DIS3L2: variants seen among roughly 807,000 people sequenced by gnomAD.
The protein encoded by DIS3L2 is DIS3 like 3'-5' exoribonuclease 2, also known as DIS3-like exonuclease 2.
A neutral mutation model predicts 97.5 loss-of-function variants in DIS3L2; 34 were observed. That is an observed-to-expected ratio of 0.35 (90% CI 0.27 to 0.46). The LOEUF (loss-of-function observed/expected upper bound fraction) is 0.46. DIS3L2 is among the 20% of genes least tolerant of loss of function. The pLI is 1.00. For missense variants in DIS3L2, 1,038 were observed against 1,146.0 expected (o/e 0.91, Z 1.36); for synonymous variants, 435 against 445.2 (o/e 0.98, Z 0.29).
intron 14 of DIS3L2, chr2:232,329,542 G>A: frequency 5.1e-6 from 2 of 394,934 alleles, no homozygotes; most frequent in Non-Finnish European, 8.9e-6. Flanking sequence ...GTGCTTCCCT[G>A]CTCTCCAGGG....
intron 9 of DIS3L2, among the ~76,000 whole-genome samples, chr2:232,175,524 T>A (rs974100676): frequency 6.6e-6 from 1 of 152,160 alleles, no homozygotes; most frequent in African/African-American, 2.4e-5. Flanking sequence ...ATAGAATGAG[T>A]TTTGGAAGAG....
At chr2:232,128,175 T>C (rs892129244) in intron 6 of DIS3L2, among the ~76,000 whole-genome samples, 1 of 152,026 alleles carries the variant, frequency 6.6e-6, no homozygotes, top group Non-Finnish European at 1.5e-5. Flanking sequence ...AGGCTGATCT[T>C]GAACTCCTGG....
chr2:232,004,634 G>A (rs1694001775), intron 1 of DIS3L2, among the ~76,000 whole-genome samples: 1 of 150,954 alleles, frequency 6.6e-6, no homozygotes, highest in African/African-American at 2.4e-5. Flanking sequence ...GGGCAGGAGT[G>A]CAGTGGCGTG....
At chr2:232,181,227 C>G (rs1448467767) in intron 9 of DIS3L2, among the ~76,000 whole-genome samples, 1 of 151,072 alleles carries the variant, frequency 6.6e-6, no homozygotes, top group Non-Finnish European at 1.5e-5. Context: ...TGACCTTTCT[C>G]TCTGGCTGCC....
chr2:232,146,733 G>C (rs1160364025), intron 8 of DIS3L2, among the ~76,000 whole-genome samples: 1 of 152,188 alleles, frequency 6.6e-6, no homozygotes, highest in Non-Finnish European at 1.5e-5. Flanking sequence ...TGTGTTTCCT[G>C]TATGAAAACT....
At chr2:232,302,556 CTTT>C (rs10708239) in intron 14 of DIS3L2, among the ~76,000 whole-genome samples, 4 of 140,468 alleles carry the variant, frequency 2.8e-5, no homozygotes, top group Admixed American at 2.1e-4. Context: ...TCTTCTTCTT[CTTT>C]TTTTTTTTTT....
chr2:232,172,535 A>G (rs1691021434), intron 9 of DIS3L2: 2 of 370,726 alleles, frequency 5.4e-6, no homozygotes, highest in South Asian at 4.4e-5. Flanking sequence ...TTGTTTATTC[A>G]TTAGTTGATG....
intron 6 of DIS3L2, among the ~76,000 whole-genome samples, chr2:232,092,959 G>C (rs891861196): frequency 6.6e-6 from 1 of 152,094 alleles, no homozygotes; most frequent in African/African-American, 2.4e-5. Flanking sequence ...GGGTATTCTT[G>C]TTGTGTTCCA....
intron 2 of DIS3L2, 32 bp from the exon 3 acceptor site, chr2:232,015,482 G>A (rs760171103): frequency 6.2e-7 from 1 of 1,603,396 alleles, no homozygotes; most frequent in Non-Finnish European, 8.5e-7. Flanking sequence ...AGATGTTTGA[G>A]GAAAGAGTTG....
At chr2:232,091,059 T>G (rs1696822556) in intron 6 of DIS3L2, among the ~76,000 whole-genome samples, 1 of 152,170 alleles carries the variant, frequency 6.6e-6, no homozygotes, top group Admixed American at 6.5e-5. Context: ...GGGCCCCTTT[T>G]AGAGATCCAC....
chr2:232,004,816 A>G (rs1183475560), intron 1 of DIS3L2, among the ~76,000 whole-genome samples: 1 of 152,162 alleles, frequency 6.6e-6, no homozygotes, highest in Non-Finnish European at 1.5e-5. Flanking sequence ...TCCTGGGCTC[A>G]AGTGATCTGC....
intron 13 of DIS3L2, among the ~76,000 whole-genome samples, chr2:232,270,120 G>A (rs1574984047): frequency 6.6e-6 from 1 of 152,210 alleles, no homozygotes; most frequent in East Asian, 1.9e-4. Flanking sequence ...TACCACCTGG[G>A]GACACCACCG....
At chr2:232,333,080 C>G (rs545989595) in intron 16 of DIS3L2, among the ~76,000 whole-genome samples, 1 of 151,750 alleles carries the variant, frequency 6.6e-6, no homozygotes, top group Non-Finnish European at 1.5e-5. Context: ...CCAACAAAAC[C>G]GCAGGCGGCC....
intron 13 of DIS3L2, among the ~76,000 whole-genome samples, chr2:232,277,614 T>C (rs1694174282): frequency 1.3e-5 from 2 of 152,200 alleles, no homozygotes; most frequent in African/African-American, 2.4e-5. Flanking sequence ...TATCACTGAG[T>C]AATAACATTT....
chr2:232,291,656 G>A (rs1454859956), intron 13 of DIS3L2, among the ~76,000 whole-genome samples: 7 of 152,240 alleles, frequency 4.6e-5, no homozygotes, highest in Non-Finnish European at 1.0e-4. Flanking sequence ...CTCACACTGT[G>A]CTCTTACCAG....
intron 14 of DIS3L2, 28 bp from the exon 15 acceptor site, chr2:232,329,785 T>TGCCGGGGGGGGCGCC: frequency 1.6e-5 from 15 of 967,144 alleles, no homozygotes; most frequent in Non-Finnish European, 2.0e-5. Flanking sequence ...ACCCCAGCGG[T>TGCCGGGGGGGGCGCC]CCCTCCCATC....
At chr2:232,056,739 A>G (rs1002757694) in intron 5 of DIS3L2, among the ~76,000 whole-genome samples, 1 of 152,216 alleles carries the variant, frequency 6.6e-6, no homozygotes, top group Non-Finnish European at 1.5e-5. Context: ...ACTACTTCAC[A>G]TCTCCCTGAA....
At chr2:232,092,180 C>T (rs956234327) in intron 6 of DIS3L2, among the ~76,000 whole-genome samples, 3 of 152,026 alleles carry the variant, frequency 2.0e-5, no homozygotes, top group African/African-American at 4.8e-5. Context: ...GTTATTGGCA[C>T]CTTTGTTGAA....
At chr2:232,228,369 A>G (rs1357027940) in intron 10 of DIS3L2, among the ~76,000 whole-genome samples, 1 of 152,170 alleles carries the variant, frequency 6.6e-6, no homozygotes, top group Non-Finnish European at 1.5e-5. Context: ...GATTCCACAC[A>G]CGCATTCCCT....
Sources: allele counts gnomAD v4.1 joint callset (sites outside exome capture counted in the v4.1 genomes callset), GRCh38; gene constraint gnomAD v4.1.1; transcripts MANE v1.5; gene names NCBI Gene and HGNC (gene_info 2026-07-23, HGNC 2026-07-21).